The following ZNF846 variants were observed in gnomAD, a reference collection of about 807,000 sequenced individuals.
ZNF846 encodes the protein zinc finger protein 420 pseudogene.
A neutral mutation model predicts 16.0 loss-of-function variants in ZNF846; 15 were observed. The ratio of observed to expected loss-of-function variants is 0.94; its 90% CI spans 0.63 to 1.45. ZNF846 has a LOEUF of 1.45. Among genes scored for constraint, ZNF846 ranks in the 40% most tolerant of loss-of-function variants. The pLI, the probability that ZNF846 is intolerant of heterozygous loss-of-function variation, is 0.00. For missense variants in ZNF846, 714 were observed against 622.3 expected, an observed-to-expected ratio of 1.15 and a Z score of -1.57; for synonymous variants, 229 against 212.0, an observed-to-expected ratio of 1.08 and a Z score of -0.70.
chr19:9,768,250 C>G (rs2045348496), intron 1 of ZNF846, 39 bp downstream of exon 1: 2 of 152,196 alleles, frequency 1.3e-5, no homozygotes, highest in African/African-American at 4.8e-5. Flanking sequence ...TAAGCGATGC[C>G]CTCCCACAGC....
intron 4 of ZNF846, among the ~76,000 whole-genome samples, chr19:9,761,691 A>G (rs1319136494): frequency 6.6e-6 from 1 of 151,786 alleles, no homozygotes; most frequent in East Asian, 1.9e-4. Context: ...AGCCAGGGCG[A>G]CAGTGCAAGA....
chr19:9,771,764 T>TG (rs975137446), upstream of ZNF846, among the ~76,000 whole-genome samples: 3 of 151,786 alleles, frequency 2.0e-5, no homozygotes, highest in African/African-American at 7.3e-5. Flanking sequence ...TGTGTGCAAG[T>TG]GTCCTTTTTT....
chr19:9,773,427 T>A (rs1158305698), upstream of ZNF846, among the ~76,000 whole-genome samples: 1 of 151,658 alleles, frequency 6.6e-6, no homozygotes, highest in Non-Finnish European at 1.5e-5. Context: ...TGTGTGTGTC[T>A]GTGTGTGTGT....
chr19:9,755,191 G>A (rs1208595955), downstream of ZNF846, among the ~76,000 whole-genome samples: 7 of 151,276 alleles, frequency 4.6e-5, no homozygotes, highest in African/African-American at 1.7e-4. Flanking sequence ...AACATCCACT[G>A]TACAGTCCAC....
At chr19:9,752,512 G>T, downstream of ZNF846, 1 of 288,368 alleles carries the variant, frequency 3.5e-6, no homozygotes, top group Non-Finnish European at 7.3e-6. Context: ...CTACTCGGGA[G>T]GCTGAAGCAG....
At chr19:9,764,874 G>A in intron 2 of ZNF846, 62 bp downstream of exon 2, 1 of 1,589,644 alleles carries the variant, frequency 6.3e-7, no homozygotes, top group Non-Finnish European at 8.6e-7. Flanking sequence ...CGATAACAAG[G>A]TAAGGCTACC....
At chr19:9,751,122 G>C (rs10401153), downstream of ZNF846, among the ~76,000 whole-genome samples, 41,960 of 151,862 alleles carry the variant, frequency 0.28, 6,823 homozygotes, top group African/African-American at 0.43. Context: ...CTTATTGAGG[G>C]CTTGTGTCTT....
At chr19:9,756,341 G>GTATA (rs1227501667), downstream of ZNF846, 32 of 64,712 alleles carry the variant, frequency 4.9e-4, no homozygotes, top group African/African-American at 8.9e-4. Flanking sequence ...GTGTGTGTGT[G>GTATA]TGTGTATATA....
intron 1 of ZNF846, among the ~76,000 whole-genome samples, chr19:9,773,709 T>G (rs1001241340): frequency 6.6e-6 from 1 of 151,694 alleles, no homozygotes; most frequent in Non-Finnish European, 1.5e-5. Flanking sequence ...TTGAACCCGG[T>G]AGGTGGAGGT....
At chr19:9,757,545 C>A (rs1281703270) in exon 6 of ZNF846, 42 of 1,611,808 alleles carry the variant, frequency 2.6e-5, no homozygotes, top group Non-Finnish European at 3.6e-5. Context: ...GTTTTTCCCA[C>A]ATTTCTTACA....
chr19:9,752,988 C>T (rs117528187), downstream of ZNF846, among the ~76,000 whole-genome samples: 825 of 151,808 alleles, frequency 5.4e-3, 6 homozygotes, highest in Non-Finnish European at 7.3e-3. Flanking sequence ...GCTCAAGGTA[C>T]AGTCAGATTC....
At chr19:9,758,152 G>C in exon 6 of ZNF846, 1 of 1,613,424 alleles carries the variant, frequency 6.2e-7, no homozygotes, top group Non-Finnish European at 8.5e-7. Flanking sequence ...CATACATAGG[G>C]CTTCTTTCCA....
chr19:9,785,979 G>A (rs542379411), exon 1 of ZNF846: 6 of 150,696 alleles, frequency 4.0e-5, no homozygotes, highest in African/African-American at 1.5e-4. Flanking sequence ...TTGGGCCAGC[G>A]GCGGCTAAAG....
upstream of ZNF846, among the ~76,000 whole-genome samples, chr19:9,769,187 C>G (rs1048905832): frequency 2.0e-5 from 3 of 152,088 alleles, no homozygotes; most frequent in African/African-American, 7.2e-5. Flanking sequence ...TGCGCTGAAG[C>G]TATCCTCCCG....
At chr19:9,775,003 A>T (rs2145298677) in intron 1 of ZNF846, 1 of 1,556,210 alleles carries the variant, frequency 6.4e-7, no homozygotes. Flanking sequence ...CAGAGGCCCC[A>T]TGCAGTGCAT....
At chr19:9,755,799 CAAAAAAAAAAAAAA>C (rs538572391), downstream of ZNF846, among the ~76,000 whole-genome samples, 124 of 24,678 alleles carry the variant, frequency 5.0e-3, 1 homozygote, top group South Asian at 0.017. Context: ...GACTCCGTCT[CAAAAAAAAAAAAAA>C]AAAAAAAAAA....
At chr19:9,749,337 A>G (rs561234486), downstream of ZNF846, among the ~76,000 whole-genome samples, 1 of 152,158 alleles carries the variant, frequency 6.6e-6, no homozygotes, top group South Asian at 2.1e-4. Flanking sequence ...TCTTCTGTCT[A>G]GTCATACACC....
intron 4 of ZNF846, among the ~76,000 whole-genome samples, 180 bp downstream of exon 4, chr19:9,761,902 A>T (rs1404110122): frequency 6.7e-6 from 1 of 149,592 alleles, no homozygotes; most frequent in African/African-American, 2.4e-5. Flanking sequence ...GAGGTTGAGA[A>T]GATCAATGGA....
At chr19:9,766,965 T>G (rs898457027) in intron 1 of ZNF846, among the ~76,000 whole-genome samples, 1 of 151,626 alleles carries the variant, frequency 6.6e-6, no homozygotes, top group Non-Finnish European at 1.5e-5. Context: ...CTTGATATTG[T>G]CACTGACTTT....
Sources: allele counts gnomAD v4.1 joint callset (sites outside exome capture counted in the v4.1 genomes callset), GRCh38; gene constraint gnomAD v4.1.1; transcripts MANE v1.5; gene names NCBI Gene and HGNC (gene_info 2026-07-23, HGNC 2026-07-21).